Variants in KIAA1217 observed in about 807,000 individuals in gnomAD.
KIAA1217 encodes KIAA1217.
In KIAA1217, 88 loss-of-function variants were observed where a neutral mutation model predicts 163.9. That is an observed-to-expected ratio of 0.54 (90% CI 0.45 to 0.64). The LOEUF (loss-of-function observed/expected upper bound fraction) is 0.64. Ranked by LOEUF, KIAA1217 falls within the 30% of genes least tolerant of loss-of-function variation. The pLI, the probability that KIAA1217 is intolerant of heterozygous loss-of-function variation, is 0.00. For missense variants in KIAA1217, 2,372 were observed against 2,475.0 expected, an observed-to-expected ratio of 0.96 and a Z score of 0.88; for synonymous variants, 903 against 923.1, an observed-to-expected ratio of 0.98 and a Z score of 0.39.
chr10:23,876,275 A>G (rs568821541), intron 1 of KIAA1217, among the ~76,000 whole-genome samples: 1 of 151,794 alleles, frequency 6.6e-6, no homozygotes, highest in South Asian at 2.1e-4. Context: ...TGGGAGCACA[A>G]CACTGGGTAC....
chr10:24,249,285 T>C (rs1315714504), intron 2 of KIAA1217, among the ~76,000 whole-genome samples: 1 of 152,264 alleles, frequency 6.6e-6, no homozygotes. Flanking sequence ...TGAAGAAACA[T>C]ATGTCTGACA....
chr10:24,053,169 T>C (rs1331264038), intron 2 of KIAA1217, among the ~76,000 whole-genome samples: 2 of 152,146 alleles, frequency 1.3e-5, no homozygotes, highest in Non-Finnish European at 2.9e-5. Context: ...AAATATACAA[T>C]TCCATTACTA....
chr10:24,012,543 T>C (rs1847281497), intron 2 of KIAA1217, among the ~76,000 whole-genome samples: 1 of 152,176 alleles, frequency 6.6e-6, no homozygotes, highest in Non-Finnish European at 1.5e-5. Context: ...GATTATAAGA[T>C]AGTAGTCTCT....
chr10:24,164,574 G>A (rs1165289722), intron 2 of KIAA1217, among the ~76,000 whole-genome samples: 1 of 152,182 alleles, frequency 6.6e-6, no homozygotes, highest in Non-Finnish European at 1.5e-5. Flanking sequence ...GAATGAATAG[G>A]TCAGTCTGAA....
At chr10:24,106,858 G>C (rs1240712845) in intron 2 of KIAA1217, among the ~76,000 whole-genome samples, 1 of 152,088 alleles carries the variant, frequency 6.6e-6, no homozygotes, top group Non-Finnish European at 1.5e-5. Context: ...TGTGTTGTTT[G>C]GTTGGTTGGT....
intron 2 of KIAA1217, among the ~76,000 whole-genome samples, chr10:24,121,049 AG>A (rs2063262812): frequency 6.6e-6 from 1 of 152,182 alleles, no homozygotes; most frequent in South Asian, 2.1e-4. Flanking sequence ...GGGAGGAAAA[AG>A]ATCCAAGAAT....
Position 24,501,556 on chromosome 10 carries a change from TGCACGGCG to T in KIAA1217, c.2001+14_2001+21del. The T allele has an allele frequency of 1.2e-6, 2 of 1,608,786 alleles. No individual in the cohort carries two copies. The highest frequency in any genetic ancestry group is 1.7e-6 in the Non-Finnish European group (2 of 1,177,680). ...ATGCGGCAGCTCCAGGTATTCCTCATGCACGGCGGCCTCTGTCTCGGTTGCCCTGAGCT... is the reference window on the plus strand; with the variant it reads ...ATGCGGCAGCTCCAGGTATTCCTCATGCCTCTGTCTCGGTTGCCCTGAGCT... On this transcript the variant is annotated intron_variant, in intron 9 of 20. Coordinates refer to ENST00000376454, the MANE Select transcript of KIAA1217 (RefSeq NM_019590.5).
At chr10:23,892,974 C>T (rs143463687) in intron 1 of KIAA1217, among the ~76,000 whole-genome samples, 2,599 of 151,880 alleles carry the variant, frequency 0.017, 41 homozygotes, top group Admixed American at 0.048. Flanking sequence ...TGTCTCTGCC[C>T]GGCTTTGGTA....
chr10:24,120,064 C>T (rs1183242383), intron 2 of KIAA1217, among the ~76,000 whole-genome samples: 5 of 152,234 alleles, frequency 3.3e-5, no homozygotes, highest in Admixed American at 2.0e-4. Flanking sequence ...GATTCCTATG[C>T]GTCATCTGTT....
At chr10:24,332,264 G>A (rs1346822021) in intron 2 of KIAA1217, among the ~76,000 whole-genome samples, 2 of 152,218 alleles carry the variant, frequency 1.3e-5, no homozygotes, top group Admixed American at 1.3e-4. Flanking sequence ...AGACACCCAT[G>A]TCCTGCCTAT....
At chr10:23,916,291 G>C (rs981215120) in intron 1 of KIAA1217, among the ~76,000 whole-genome samples, 1 of 152,134 alleles carries the variant, frequency 6.6e-6, no homozygotes. Context: ...GGCTTTCAAA[G>C]GTAAGTTAAG....
chr10:23,953,714 T>A (rs906900037), intron 1 of KIAA1217, among the ~76,000 whole-genome samples: 7 of 152,266 alleles, frequency 4.6e-5, no homozygotes, highest in African/African-American at 1.7e-4. Context: ...TGAGATAATG[T>A]ACATCCAACA....
rs528370376 is a variant in KIAA1217 at position 24,499,721 on chromosome 10, G to A, written c.1835-1658G>A. ...CACTCCAGCCTGGACAAGACAGAGC[G>A]AGACTCTGTCTCAAAAAAAAGAAAG... On this transcript the variant is annotated intron_variant, in intron 8 of 20. Transcript: ENST00000376454. Among the ~76,000 whole-genome samples the A allele has an allele frequency of 2.0e-5, 3 of 152,200 alleles. No individual in the cohort carries two copies. In the South Asian group the frequency reaches 6.2e-4, roughly 32 times the overall value.
chr10:24,112,184 A>C (rs2062873802), intron 2 of KIAA1217, among the ~76,000 whole-genome samples: 1 of 152,272 alleles, frequency 6.6e-6, no homozygotes, highest in East Asian at 1.9e-4. Context: ...AGAAAGTAAA[A>C]CGTCACTACA....
At chr10:24,118,037 A>G (rs1254873400) in intron 2 of KIAA1217, among the ~76,000 whole-genome samples, 1 of 151,930 alleles carries the variant, frequency 6.6e-6, no homozygotes, top group Non-Finnish European at 1.5e-5. Context: ...AAAAATAACT[A>G]TCAAGTACTT....
chr10:24,296,829 T>C (rs1371991235), intron 2 of KIAA1217, among the ~76,000 whole-genome samples: 3 of 152,304 alleles, frequency 2.0e-5, no homozygotes, highest in Middle Eastern at 3.4e-3. Flanking sequence ...ACAGATTATG[T>C]GCAAAAAAAG....
intron 2 of KIAA1217, among the ~76,000 whole-genome samples, chr10:24,354,737 C>T (rs1229878876): frequency 6.6e-6 from 1 of 151,776 alleles, no homozygotes; most frequent in Non-Finnish European, 1.5e-5. Context: ...TCTCTTCTCT[C>T]CTCTGCTCCT....
At chr10:24,125,317 A>G (rs1189715800) in intron 2 of KIAA1217, among the ~76,000 whole-genome samples, 3 of 112,556 alleles carry the variant, frequency 2.7e-5, no homozygotes, top group African/African-American at 1.0e-4. Flanking sequence ...AAAGAATCCT[A>G]TGCTCTGTGT....
intron 2 of KIAA1217, among the ~76,000 whole-genome samples, chr10:24,034,875 G>A (rs1848328722): frequency 6.6e-6 from 1 of 151,426 alleles, no homozygotes; most frequent in Admixed American, 6.6e-5. Context: ...CAGAGCTGCT[G>A]GATTCCCATG....
Sources: gnomAD v4.1 joint callset for allele counts (sites outside exome capture counted in the v4.1 genomes callset) on GRCh38, gnomAD v4.1.1 for gene constraint, MANE v1.5 for transcripts, NCBI Gene and HGNC (gene_info 2026-07-23, HGNC 2026-07-21) for gene names.